Variants in NOX4 observed in about 807,000 individuals in gnomAD.
NOX4 encodes the protein NADPH oxidase 4.
A neutral mutation model predicts 87.6 loss-of-function variants in NOX4; 69 were observed. The observed-to-expected ratio is 0.79, with a 90% CI of 0.65 to 0.96. The LOEUF is 0.96. Among genes scored for constraint, NOX4 ranks in the 40% least tolerant of loss-of-function variants. The pLI is 0.00. For synonymous variants in NOX4, 275 were observed against 238.2 expected (o/e 1.15, Z -1.42); for missense variants, 680 against 681.5 (o/e 1.00, Z 0.02).
Position 89,420,884 on chromosome 11 carries a change from C to T in NOX4, c.629+1018G>A, listed in dbSNP as rs1033523105. On this transcript the variant is annotated intron_variant, in intron 8 of 17. Transcript: ENST00000263317. Reference sequence around the variant, plus strand: ...AACTATGAAATCATTTTGGACCTCACAGACCTCAGCCTCCTTGTGTACAGT... The same window carrying T: ...AACTATGAAATCATTTTGGACCTCATAGACCTCAGCCTCCTTGTGTACAGT... 5.3e-5 allele frequency among the ~76,000 whole-genome samples: 8 copies of T among 152,254 alleles called. No homozygotes were observed. In the South Asian group the frequency reaches 8.3e-4, roughly 16 times the overall value.
At chr11:89,336,085 T>C in intron 16 of NOX4, 140 bp from the exon 17 acceptor site, 1 of 442,040 alleles carries the variant, frequency 2.3e-6, no homozygotes, top group Non-Finnish European at 4.2e-6. Flanking sequence ...ACCTATCACG[T>C]ACAATTATTT....
chr11:89,395,055 C>G (rs779168904), intron 11 of NOX4, among the ~76,000 whole-genome samples: 1 of 152,130 alleles, frequency 6.6e-6, no homozygotes, highest in Non-Finnish European at 1.5e-5. Context: ...GTTTCTAGTT[C>G]TAGATCTCTG....
At chr11:89,496,478 A>C (rs1046069073), upstream of NOX4, among the ~76,000 whole-genome samples, 6 of 152,158 alleles carry the variant, frequency 3.9e-5, no homozygotes, top group African/African-American at 1.2e-4. Context: ...CAAGAAGAAA[A>C]AACATGGTAA....
intron 4 of NOX4, 75 bp from the exon 5 acceptor site, chr11:89,444,307 C>A: frequency 1.6e-6 from 2 of 1,231,492 alleles, no homozygotes; most frequent in South Asian, 1.3e-5. Flanking sequence ...TTCTTCCTCT[C>A]CCTAAGTAAA....
At chr11:89,353,620 T>C (rs2134969981) in intron 13 of NOX4, among the ~76,000 whole-genome samples, 1 of 152,304 alleles carries the variant, frequency 6.6e-6, no homozygotes, top group South Asian at 2.1e-4. Context: ...GTATTGACTT[T>C]ATTGCAGTGG....
At chr11:89,560,931 T>C in the NOX4 span, among the ~76,000 whole-genome samples, 1 of 141,278 alleles carries the variant, frequency 7.1e-6, no homozygotes, top group Non-Finnish European at 1.5e-5. Context: ...TCATGGGAGC[T>C]AATTCCCCTA....
rs1327876029 is a variant in NOX4 at position 89,479,954 on chromosome 11, C to T, written c.153+10504G>A. 4.6e-5 allele frequency among the ~76,000 whole-genome samples: 7 copies of T among 152,196 alleles called. No individual in the cohort carries two copies. The East Asian group carries it at 1.2e-3, about 25-fold the overall frequency. On this transcript the variant is annotated intron_variant, in intron 2 of 17. Transcript: ENST00000263317. ...TGGGGGATTGGTTCCAGGATCCCCA[C>T]ATATAACAAAATCTGTGAATATTCA...
the NOX4 span, among the ~76,000 whole-genome samples, chr11:89,575,912 A>C: frequency 0.55 from 83,138 of 152,022 alleles, 24,229 homozygotes; most frequent in African/African-American, 0.75. Flanking sequence ...GTTCATTAAT[A>C]TCTAAAACAA....
chr11:89,398,478 G>A (rs949380157), intron 11 of NOX4, among the ~76,000 whole-genome samples: 8 of 151,480 alleles, frequency 5.3e-5, no homozygotes, highest in Admixed American at 4.6e-4. Flanking sequence ...GCAATCTGAA[G>A]TAAATTTCTT....
At chr11:89,378,073 C>T (rs1715101157) in intron 11 of NOX4, among the ~76,000 whole-genome samples, 1 of 152,122 alleles carries the variant, frequency 6.6e-6, no homozygotes, top group African/African-American at 2.4e-5. Flanking sequence ...CAACAGGCTT[C>T]CCAAAGAAAA....
chr11:89,560,941 A>T, the NOX4 span, among the ~76,000 whole-genome samples: 2 of 136,242 alleles, frequency 1.5e-5, no homozygotes, highest in Admixed American at 7.4e-5. Context: ...TAATTCCCCT[A>T]AAAAATTCCC....
chr11:89,399,383 T>G (rs1413265073), intron 11 of NOX4, among the ~76,000 whole-genome samples: 1 of 144,370 alleles, frequency 6.9e-6, no homozygotes, highest in Admixed American at 7.1e-5. Flanking sequence ...GATTTCCATA[T>G]ACATTAAAAT....
chr11:89,366,541 T>C (rs905500738), intron 12 of NOX4, among the ~76,000 whole-genome samples: 1 of 151,726 alleles, frequency 6.6e-6, no homozygotes, highest in African/African-American at 2.4e-5. Context: ...CCAGGCATGG[T>C]GGTCTGAGCC....
At chr11:89,508,899 T>G in the NOX4 span, among the ~76,000 whole-genome samples, 14 of 152,012 alleles carry the variant, frequency 9.2e-5, no homozygotes, top group Non-Finnish European at 1.9e-4. Flanking sequence ...GCTGCAAAGT[T>G]TCCATTGCAC....
chr11:89,367,343 T>A (rs575591918), intron 12 of NOX4, among the ~76,000 whole-genome samples: 3 of 152,094 alleles, frequency 2.0e-5, no homozygotes, highest in African/African-American at 7.2e-5. Context: ...TGGGGAAATG[T>A]AGAAACAGGA....
chr11:89,504,181 A>C, the NOX4 span, among the ~76,000 whole-genome samples: 1 of 151,790 alleles, frequency 6.6e-6, no homozygotes, highest in Non-Finnish European at 1.5e-5. Flanking sequence ...TAGCATGAGC[A>C]AATTCATTGT....
At chr11:89,437,351 G>C (rs1944129858) in intron 6 of NOX4, among the ~76,000 whole-genome samples, 1 of 152,130 alleles carries the variant, frequency 6.6e-6, no homozygotes, top group Non-Finnish European at 1.5e-5. Context: ...GTGATATAAA[G>C]TTGGATTCAG....
chr11:89,329,356 G>GAAAAAAAAAAAAAAA (rs377055666), intron 17 of NOX4, among the ~76,000 whole-genome samples: 145 of 34,452 alleles, frequency 4.2e-3, no homozygotes, highest in Middle Eastern at 0.019. Context: ...GAAAAAAACT[G>GAAAAAAAAAAAAAAA]AAAAAAAAAA....
chr11:89,435,346 G>A (rs941920924), intron 6 of NOX4, among the ~76,000 whole-genome samples: 4 of 151,858 alleles, frequency 2.6e-5, no homozygotes, highest in Admixed American at 1.3e-4. Flanking sequence ...ATATAGTTTT[G>A]AACATGCCAA....
Sources: allele counts gnomAD v4.1 joint callset (sites outside exome capture counted in the v4.1 genomes callset), GRCh38; gene constraint gnomAD v4.1.1; transcripts MANE v1.5; gene names NCBI Gene and HGNC (gene_info 2026-07-23, HGNC 2026-07-21).